The following RDX variants were observed in gnomAD, a reference collection of about 807,000 sequenced individuals.
RDX encodes deafness, autosomal recessive 24.
RDX carries 32 observed loss-of-function variants against 83.7 expected under a neutral mutation model. That is an observed-to-expected ratio of 0.38 (90% CI 0.29 to 0.51). The LOEUF (loss-of-function observed/expected upper bound fraction) is 0.51, where lower values mean the gene tolerates loss of function less well. RDX is among the 20% of genes least tolerant of loss of function. The pLI is 0.87. For synonymous variants in RDX, 229 were observed against 222.7 expected (o/e 1.03, Z -0.25); for missense variants, 600 against 689.9 (o/e 0.87, Z 1.46).
intron 15 of RDX, among the ~76,000 whole-genome samples, chr11:110,183,220 C>CA (rs1247507277): frequency 6.6e-6 from 1 of 152,226 alleles, no homozygotes; most frequent in Admixed American, 6.5e-5. Flanking sequence ...CAGCTCCTCT[C>CA]AGAGGTGGCG....
chr11:110,259,249 T>C (rs1162960341), intron 5 of RDX, among the ~76,000 whole-genome samples: 1 of 152,170 alleles, frequency 6.6e-6, no homozygotes, highest in Admixed American at 6.5e-5. Flanking sequence ...AATACAAACA[T>C]TATATTCTAC....
chr11:110,187,873 A>G (rs1306413263), intron 15 of RDX, among the ~76,000 whole-genome samples: 1 of 152,176 alleles, frequency 6.6e-6, no homozygotes, highest in East Asian at 1.9e-4. Context: ...TCAAGTATAC[A>G]CCCATCTGTG....
intron 1 of RDX, among the ~76,000 whole-genome samples, chr11:110,292,795 T>C (rs1373358241): frequency 6.6e-6 from 1 of 152,216 alleles, no homozygotes. Context: ...GTTTCTTCAA[T>C]ACTGTATCTA....
chr11:110,240,514 C>A (rs958232957), intron 10 of RDX, among the ~76,000 whole-genome samples: 2 of 150,500 alleles, frequency 1.3e-5, no homozygotes, highest in African/African-American at 2.4e-5. Flanking sequence ...GAGGCCGAGG[C>A]GGGCGGATCA....
chr11:110,237,728 G>C (rs1565308031), intron 10 of RDX, 76 bp from the exon 11 acceptor site: 3 of 1,482,942 alleles, frequency 2.0e-6, no homozygotes, highest in Non-Finnish European at 2.8e-6. Flanking sequence ...TAAAATAGTA[G>C]CAAGAAATCA....
intron 1 of RDX, among the ~76,000 whole-genome samples, chr11:110,290,404 T>C (rs553106866): frequency 2.0e-5 from 3 of 151,832 alleles, no homozygotes; most frequent in East Asian, 3.9e-4. Context: ...TCCAGCTACT[T>C]GGGAGACTGA....
At chr11:110,219,448 GTA>G (rs1285972133) in intron 14 of RDX, among the ~76,000 whole-genome samples, 1 of 152,220 alleles carries the variant, frequency 6.6e-6, no homozygotes, top group Non-Finnish European at 1.5e-5. Context: ...CTTACCTGTT[GTA>G]AGATCTTAAA....
intron 7 of RDX, 101 bp downstream of exon 7, chr11:110,257,666 G>A (rs1256166680): frequency 7.7e-6 from 9 of 1,175,962 alleles, no homozygotes; most frequent in Middle Eastern, 5.5e-4. Context: ...AAATAGTAAG[G>A]GTAATCAAGA....
chr11:110,204,417 C>T (rs148931793), intron 14 of RDX, among the ~76,000 whole-genome samples: 72 of 150,604 alleles, frequency 4.8e-4, no homozygotes, highest in South Asian at 3.1e-3. Flanking sequence ...TACTGAATGG[C>T]ATCAAGGAAG....
At chr11:110,215,177 G>A (rs1434627824) in intron 14 of RDX, among the ~76,000 whole-genome samples, 1 of 150,090 alleles carries the variant, frequency 6.7e-6, no homozygotes, top group African/African-American at 2.4e-5. Context: ...TGGCTAACAT[G>A]GTGAAACCCT....
In RDX at chr11:110,258,097, C is replaced by A. The variant is rs1401588423; in HGVS notation, c.551+9G>T. 1 of 1,585,786 alleles carries A rather than the reference C, an allele frequency of 6.3e-7. No individual in the cohort carries two copies. The highest frequency in any genetic ancestry group is 8.6e-7 in the Non-Finnish European group (1 of 1,157,186). On this transcript the variant is annotated intron_variant, in intron 6 of 13. Transcript: ENST00000645495. ...AAAAAGAAAACATAGAAAATAGCTA[C>A]CCAAATACCTTAACATTCCTCTATG...
chr11:110,271,840 G>A (rs1860323487), intron 3 of RDX, among the ~76,000 whole-genome samples: 1 of 152,076 alleles, frequency 6.6e-6, no homozygotes, highest in Admixed American at 6.6e-5. Flanking sequence ...TATACAGGTT[G>A]AGCATCCCTA....
At chr11:110,289,973 A>C (rs976632302) in intron 1 of RDX, among the ~76,000 whole-genome samples, 7 of 148,306 alleles carry the variant, frequency 4.7e-5, no homozygotes, top group East Asian at 3.9e-4. Context: ...AAAAAAAAAA[A>C]AAAAAAAAAC....
chr11:110,263,970 G>A lies in RDX; in HGVS notation c.457C>T (p.Leu153=), dbSNP rs757046736. ...KPGYLANDRL[L]PQRVLEQHKL... ...GCATGTTTCACTTACCGCTGGGGTA[G>A]GAGTCTATCATTAGCCAGGTAGCCT... is the stretch of plus-strand genomic sequence containing the variant. Residue 153 remains leucine (L), a synonymous_variant, in exon 5 of 14, where the codon CTA becomes TTA. Coordinates refer to ENST00000645495, the MANE Select transcript of RDX (RefSeq NM_002906.4). The A allele has an allele frequency of 5.6e-6, 9 of 1,613,330 alleles. No homozygotes were observed. In the African/African-American group the frequency reaches 1.2e-4, roughly 22 times the overall value.
At chr11:110,260,230 C>G (rs1859748167) in intron 5 of RDX, among the ~76,000 whole-genome samples, 1 of 152,138 alleles carries the variant, frequency 6.6e-6, no homozygotes, top group Admixed American at 6.5e-5. Context: ...AGGTGATCCG[C>G]CCACCTCGGC....
chr11:110,278,977 G>A (rs757912644), intron 2 of RDX, among the ~76,000 whole-genome samples: 1 of 151,830 alleles, frequency 6.6e-6, no homozygotes, highest in Non-Finnish European at 1.5e-5. Context: ...ATAATCACAT[G>A]TGTACCCTTA....
intron 3 of RDX, among the ~76,000 whole-genome samples, chr11:110,265,703 TG>T (rs1470091194): frequency 6.6e-6 from 1 of 152,162 alleles, no homozygotes; most frequent in East Asian, 1.9e-4. Flanking sequence ...ATTTTGCTGA[TG>T]TTTTTTCCTC....
chr11:110,221,400 C>A (rs975241875), intron 14 of RDX, among the ~76,000 whole-genome samples: 7 of 152,034 alleles, frequency 4.6e-5, no homozygotes, highest in Non-Finnish European at 8.8e-5. Context: ...AAGTTTGAGA[C>A]CAGGCTGGCC....
chr11:110,261,888 G>A (rs1358442406), intron 5 of RDX, among the ~76,000 whole-genome samples: 1 of 152,152 alleles, frequency 6.6e-6, no homozygotes, highest in African/African-American at 2.4e-5. Context: ...GTGTTTAAGA[G>A]ATTTTTTTCA....
Sources: gnomAD v4.1 joint callset for allele counts (sites outside exome capture counted in the v4.1 genomes callset) on GRCh38, gnomAD v4.1.1 for gene constraint, MANE v1.5 for transcripts, NCBI Gene and HGNC (gene_info 2026-07-23, HGNC 2026-07-21) for gene names.